RHBG: variants seen among roughly 807,000 people sequenced by gnomAD.
RHBG encodes Rh family B glycoprotein.
A neutral mutation model predicts 40.1 loss-of-function variants in RHBG; 39 were observed. The ratio of observed to expected loss-of-function variants is 0.97; its 90% CI spans 0.75 to 1.27. The LOEUF (loss-of-function observed/expected upper bound fraction) is 1.27. RHBG is among the 50% of genes most tolerant of loss of function. RHBG has a pLI of 0.00. For missense variants in RHBG, 549 were observed against 588.1 expected (o/e 0.93, Z 0.69); for synonymous variants, 237 against 252.5 (o/e 0.94, Z 0.58).
In RHBG at chr1:156,381,949, G is replaced by C; in HGVS notation, c.978+6G>C. The C allele has an allele frequency of 6.2e-7, 1 of 1,611,702 alleles. No individual in the cohort carries two copies. Among genetic ancestry groups the C allele is most frequent in the Non-Finnish European group, 8.5e-7 (1 of 1,179,524 alleles). ...TGGGGTACAAGTTCTTCACGGTATA[G>C]ATGCCTCTTGGAGCCTGGGCAGAAC... is the stretch of plus-strand genomic sequence containing the variant. On this transcript the variant is annotated splice_donor_region_variant and intron_variant, in intron 6 of 9. Coordinates refer to ENST00000537040, the MANE Select transcript of RHBG (RefSeq NM_020407.5).
rs569914515 is a variant in RHBG, at chr1:156,377,200, C to G, written c.188-101C>G. 6.7e-6 allele frequency: 9 copies of G among 1,347,934 alleles called. No individual in the cohort carries two copies. In the East Asian group the frequency reaches 2.1e-4, roughly 31 times the overall value. The allele number at this position is 1,347,934 out of a possible 1,614,324, so 83.5% of individuals were successfully genotyped here. On this transcript the variant is annotated intron_variant, in intron 1 of 9. Transcript: ENST00000537040. This position sits in a 1 kb window ranked among gnomAD's most constrained non-coding sequence, Gnocchi z 4.6. ...TTTATAGGCTCGGCTCAAGGCAGCC[C>G]TGGCTGGTGAGAGCCAGGGGCACTG...
At chr1:156,382,653 C>G in intron 7 of RHBG, 95 bp from the exon 8 acceptor site, 1 of 1,479,280 alleles carries the variant, frequency 6.8e-7, no homozygotes, top group African/African-American at 1.4e-5. Flanking sequence ...TTCCTGTTCC[C>G]CAGTGTGAGT....
Position 156,382,102 on chromosome 1 carries a change from C to T in RHBG, c.1013C>T (p.Thr338Ile). The stretch of plus-strand genomic sequence containing the variant: ...GAATCAAAATTCAAAGTCCAAGACA[C>T]ATGTGGAGTCCACAACCTCCATGGG... ...ILESKFKVQD[T>I]CGVHNLHGMP... is the part of the protein sequence containing the mutation. The change falls in exon 7 of 10, where the codon ACA (threonine) becomes ATA (isoleucine). Residue 338 changes from threonine (T) to isoleucine (I), a missense_variant. By Grantham distance (89) the Thr-to-Ile change is moderately conservative. Transcript: ENST00000537040. 6.2e-7 allele frequency: 1 copy of T among 1,613,636 alleles called. No individual in the cohort carries two copies. The highest frequency in any genetic ancestry group is 8.5e-7 in the Non-Finnish European group (1 of 1,179,634).
chr1:156,373,767 C>T (rs887958013), intron 1 of RHBG, among the ~76,000 whole-genome samples: 2 of 152,226 alleles, frequency 1.3e-5, no homozygotes, highest in Admixed American at 6.5e-5. Context: ...TTGGACCCAA[C>T]ACCCTTCCTT....
In RHBG at chr1:156,369,231, C is replaced by G. The variant is rs749135570; in HGVS notation, c.-19C>G. 4 of 1,606,808 alleles carry G rather than the reference C, an allele frequency of 2.5e-6. No individual in the cohort carries two copies. The highest frequency in any genetic ancestry group is 3.4e-6 in the Non-Finnish European group (4 of 1,177,068). Reference sequence around the variant, plus strand: ...TCTGCCAAAGCCTGCGAGCGCCAGCCGAGATCGCAGCCCAACCCATGGCCG... The same window carrying G: ...TCTGCCAAAGCCTGCGAGCGCCAGCGGAGATCGCAGCCCAACCCATGGCCG... On this transcript the variant is annotated 5_prime_UTR_variant, in exon 1 of 10. Coordinates refer to ENST00000537040, the MANE Select transcript of RHBG (RefSeq NM_020407.5).
Position 156,369,317 on chromosome 1 carries a change from A to G in RHBG, c.68A>G (p.Gln23Arg). 2 of 1,614,106 alleles carry G rather than the reference A, an allele frequency of 1.2e-6. No individual in the cohort carries two copies. The highest frequency in any genetic ancestry group is 1.7e-6 in the Non-Finnish European group (2 of 1,180,020). ...CTTCCCCTGCTGTGCCTCTTCCTCC[A>G]GGGCGCCACTGCCGTCCTCTTTGCT... is the stretch of plus-strand genomic sequence containing the variant. ...LQLPLLCLFL[Q>R]GATAVLFAVF... is the part of the protein sequence containing the mutation. Residue 23 changes from glutamine to arginine, a missense_variant, in exon 1 of 10, where the codon CAG becomes CGG. Transcript: ENST00000537040.
chr1:156,383,981 C>A (rs957711788), intron 8 of RHBG, among the ~76,000 whole-genome samples: 3 of 151,924 alleles, frequency 2.0e-5, no homozygotes, highest in African/African-American at 7.2e-5. Flanking sequence ...TTACAGGCGA[C>A]CCCCACCACA....
rs761176611 is a variant in RHBG at position 156,381,857 on chromosome 1, A to G, written c.892A>G (p.Ser298Gly). ...TGGAGGGGTTGTGGTGGGGACCTCAAGTGAAATGATGCTGACACCCTTTGG... is the reference window on the plus strand; with the variant it reads ...TGGAGGGGTTGTGGTGGGGACCTCAGGTGAAATGATGCTGACACCCTTTGG... ...LAGGVVVGTS[S>G]EMMLTPFGAL... The change falls in exon 6 of 10, where the codon AGT becomes GGT. Residue 298 changes from serine to glycine, a missense_variant. Physicochemically the swap from Ser to Gly is moderately conservative, Grantham distance 56. Transcript: ENST00000537040. 2 of 1,598,836 alleles carry G rather than the reference A, an allele frequency of 1.3e-6. No homozygotes were observed. Among genetic ancestry groups the G allele is most frequent in the Middle Eastern group, 1.7e-4 (1 of 6,012 alleles).
Position 156,377,080 on chromosome 1 carries a change from C to T in RHBG, c.188-221C>T, listed in dbSNP as rs1346279437. On this transcript the variant is annotated intron_variant, in intron 1 of 9. Coordinates refer to ENST00000537040, the MANE Select transcript of RHBG (RefSeq NM_020407.5). The surrounding 1 kb of genome is among the most constrained non-coding windows in gnomAD (Gnocchi z 4.6). The stretch of plus-strand genomic sequence containing the variant: ...AAGGCTTTACTCCCTTGCTCTGACA[C>T]GAGGACAGCAGGGATGTCGGGGTCC... Among the ~76,000 whole-genome samples, 3 of 152,290 alleles carry T rather than the reference C, an allele frequency of 2.0e-5. No individual in the cohort carries two copies. Among genetic ancestry groups the T allele is most frequent in the East Asian group, 3.9e-4 (2 of 5,186 alleles).
At chr1:156,381,053 C>G (rs1016943408) in intron 4 of RHBG, among the ~76,000 whole-genome samples, 1 of 152,158 alleles carries the variant, frequency 6.6e-6, no homozygotes, top group Non-Finnish European at 1.5e-5. Context: ...GCATGTGCTA[C>G]CATGCCCAGC....
chr1:156,381,675 G>A, intron 5 of RHBG, 131 bp from the exon 6 acceptor site: 1 of 1,397,254 alleles, frequency 7.2e-7, no homozygotes, highest in Non-Finnish European at 9.7e-7. Flanking sequence ...AGGCGATATG[G>A]TAGCAGGACA....
intron 4 of RHBG, among the ~76,000 whole-genome samples, chr1:156,379,190 T>C (rs995887155): frequency 3.3e-5 from 5 of 151,868 alleles, no homozygotes; most frequent in African/African-American, 1.2e-4. Flanking sequence ...GAGACAGGGT[T>C]TCACCATGTT....
chr1:156,369,378 C>T lies in RHBG; in HGVS notation c.129C>T (p.Ala43=), dbSNP rs371716339. 4 of 1,614,166 alleles carry T rather than the reference C, an allele frequency of 2.5e-6. No homozygotes were observed. Among genetic ancestry groups the T allele is most frequent in the Non-Finnish European group, 3.4e-6 (4 of 1,180,006 alleles). ...GCTACAACCACAAAACCGACGCTGCCCTCTGGCACCGGAGCAACCACAGTA... is the reference window on the plus strand; with the variant it reads ...GCTACAACCACAAAACCGACGCTGCTCTCTGGCACCGGAGCAACCACAGTA... ...FVRYNHKTDA[A]LWHRSNHSNA... is the part of the protein sequence containing the mutation. The change falls in exon 1 of 10, where the codon GCC becomes GCT. Residue 43 remains alanine, a synonymous_variant. Transcript: ENST00000537040.
chr1:156,370,643 A>G (rs902627850), intron 1 of RHBG, among the ~76,000 whole-genome samples: 1 of 146,994 alleles, frequency 6.8e-6, no homozygotes, highest in African/African-American at 2.5e-5. Flanking sequence ...AAAAAAAAGA[A>G]AGAAAATGAA....
chr1:156,378,490 C>A, intron 4 of RHBG, 91 bp downstream of exon 4: 2 of 1,456,118 alleles, frequency 1.4e-6, no homozygotes, highest in Non-Finnish European at 1.8e-6. Flanking sequence ...GTGCTGACTG[C>A]AGTCCTGGGG....
Position 156,377,099 on chromosome 1 carries a change from G to A in RHBG, c.188-202G>A, listed in dbSNP as rs1037203849. Among the ~76,000 whole-genome samples, 4 of 152,200 alleles carry A rather than the reference G, an allele frequency of 2.6e-5. No individual in the cohort carries two copies. The highest frequency in any genetic ancestry group is 1.9e-4 in the East Asian group (1 of 5,200). ...CTGACACGAGGACAGCAGGGATGTC[G>A]GGGTCCCACTGCTCCAAGCTGGCCA... On this transcript the variant is annotated intron_variant, in intron 1 of 9. Coordinates refer to ENST00000537040, the MANE Select transcript of RHBG (RefSeq NM_020407.5). This position sits in a 1 kb window ranked among gnomAD's most constrained non-coding sequence, Gnocchi z 4.6.
chr1:156,369,628 A>G (rs1264266143), intron 1 of RHBG, among the ~76,000 whole-genome samples, 192 bp downstream of exon 1: 1 of 152,166 alleles, frequency 6.6e-6, no homozygotes, highest in African/African-American at 2.4e-5. Context: ...CCGTGCTGAT[A>G]CATATGCCTT....
Position 156,384,567 on chromosome 1 carries a change from C to T in RHBG, c.1275C>T (p.Asp425=). The T allele has an allele frequency of 6.3e-7, 1 of 1,595,430 alleles. No homozygotes were observed. Among genetic ancestry groups the T allele is most frequent in the African/African-American group, 1.3e-5 (1 of 74,468 alleles). Reference sequence around the variant, plus strand: ...TACCCTTTCTGGACTCCCCCCCAGACTCCCAGCACTACGAGGACCAAGTTC... The same window carrying T: ...TACCCTTTCTGGACTCCCCCCCAGATTCCCAGCACTACGAGGACCAAGTTC... ...LKLPFLDSPP[D]SQHYEDQVHW... Residue 425 remains aspartate (D), a synonymous_variant, in exon 9 of 10, where the codon GAC becomes GAT. Transcript: ENST00000537040.
At chr1:156,369,842 G>A (rs1379344854) in intron 1 of RHBG, among the ~76,000 whole-genome samples, 1 of 152,112 alleles carries the variant, frequency 6.6e-6, no homozygotes, top group Non-Finnish European at 1.5e-5. Flanking sequence ...TTTCCTAGGG[G>A]CTCCACCCTG....
Sources: gnomAD v4.1 joint callset for allele counts (sites outside exome capture counted in the v4.1 genomes callset) on GRCh38, gnomAD v4.1.1 for gene constraint, Gnocchi (gnomAD v3.1) non-coding constraint, MANE v1.5 for transcripts, NCBI Gene and HGNC (gene_info 2026-07-23, HGNC 2026-07-21) for gene names.